RTL9: variants seen among roughly 807,000 people sequenced by gnomAD.
RTL9 encodes the protein retrotransposon Gag like 9.
RTL9 carries 19 observed loss-of-function variants against 44.7 expected under a neutral mutation model. The ratio of observed to expected loss-of-function variants is 0.42; its 90% CI spans 0.30 to 0.62. The LOEUF is 0.62. Ranked by LOEUF, RTL9 falls within the 20% of genes least tolerant of loss-of-function variation. The pLI, the probability that RTL9 is intolerant of heterozygous loss-of-function variation, is 0.16. For synonymous variants in RTL9, 407 were observed against 398.9 expected, an observed-to-expected ratio of 1.02 and a Z score of -0.24; for missense variants, 1,105 against 1,080.6, an observed-to-expected ratio of 1.02 and a Z score of -0.32.
At chrX:110,455,351 T>G (rs1569435742) in exon 2 of RTL9, 2 of 1,199,429 alleles carry the variant, frequency 1.7e-6, no homozygotes, top group Non-Finnish European at 2.2e-6. Context: ...CTGTGATATC[T>G]GACTCGACCG....
chrX:110,389,721 G>T (rs2068481889), intron 1 of RTL9, among the ~76,000 whole-genome samples: 1 of 109,941 alleles, frequency 9.1e-6, no homozygotes, highest in Non-Finnish European at 1.9e-5. Context: ...GAGGAAGGGA[G>T]AAAGTAGAAA....
At chrX:110,379,659 T>C (rs761028560) in intron 1 of RTL9, among the ~76,000 whole-genome samples, 1 of 112,094 alleles carries the variant, frequency 8.9e-6, no homozygotes, top group South Asian at 3.7e-4. Flanking sequence ...CACACACACA[T>C]GCACATGCAC....
upstream of RTL9, chrX:110,418,976 C>T (rs1180477992): frequency 1.8e-5 from 2 of 109,749 alleles, no homozygotes; most frequent in Non-Finnish European, 3.8e-5. Context: ...CTATGACTCA[C>T]CAACAAAAAC....
intron 1 of RTL9, among the ~76,000 whole-genome samples, chrX:110,431,119 T>A (rs1274653859): frequency 1.8e-5 from 2 of 112,130 alleles, no homozygotes; most frequent in African/African-American, 6.5e-5. Context: ...GGGGCTTTAT[T>A]TTCTATCTTT....
chrX:110,413,113 G>T (rs910430592), intron 1 of RTL9, among the ~76,000 whole-genome samples: 3 of 111,072 alleles, frequency 2.7e-5, no homozygotes, highest in Non-Finnish European at 3.8e-5. Flanking sequence ...ACTGCTCAGT[G>T]CTCCCATCCC....
exon 2 of RTL9, chrX:110,455,330 G>A (rs772482942): frequency 4.1e-6 from 5 of 1,207,983 alleles, no homozygotes; most frequent in Non-Finnish European, 4.5e-6. Context: ...AAAACTCCAT[G>A]GAATCTTCTC....
At chrX:110,432,352 T>C (rs2068803119) in intron 1 of RTL9, among the ~76,000 whole-genome samples, 1 of 112,312 alleles carries the variant, frequency 8.9e-6, no homozygotes, top group African/African-American at 3.2e-5. Flanking sequence ...TTTCTAGGCA[T>C]TTAGCTGTGG....
intron 1 of RTL9, among the ~76,000 whole-genome samples, chrX:110,394,714 C>T (rs1286117765): frequency 8.9e-6 from 1 of 112,761 alleles, no homozygotes; most frequent in Non-Finnish European, 1.9e-5. Context: ...AGCCCCTTGC[C>T]TGCTTTTGCA....
intron 1 of RTL9, among the ~76,000 whole-genome samples, chrX:110,409,451 GA>G (rs2148306723): frequency 9.0e-6 from 1 of 111,719 alleles, no homozygotes; most frequent in East Asian, 2.8e-4. Context: ...TACCTAAAAA[GA>G]GGGCTGTTTT....
chrX:110,407,423 G>A (rs1471799645), intron 1 of RTL9, among the ~76,000 whole-genome samples: 3 of 111,975 alleles, frequency 2.7e-5, no homozygotes, highest in African/African-American at 9.8e-5. Flanking sequence ...GGTAAGGTCA[G>A]CAGAAGCCAC....
exon 1 of RTL9, chrX:110,452,249 T>C: frequency 8.3e-7 from 1 of 1,211,169 alleles, no homozygotes; most frequent in Non-Finnish European, 1.1e-6. Flanking sequence ...TGAGAGCCCC[T>C]GTCTCTGAAG....
chrX:110,433,527 C>T (rs1436625650), intron 1 of RTL9, among the ~76,000 whole-genome samples: 2 of 111,472 alleles, frequency 1.8e-5, no homozygotes, highest in African/African-American at 6.5e-5. Flanking sequence ...CTAATAAACA[C>T]CAGGCACATT....
intron 1 of RTL9, among the ~76,000 whole-genome samples, chrX:110,424,615 T>A (rs2068741122): frequency 8.9e-6 from 1 of 112,355 alleles, no homozygotes; most frequent in African/African-American, 3.2e-5. Context: ...CCTGGAGTTG[T>A]TCATAAGACC....
chrX:110,408,684 G>A (rs1602979187), intron 1 of RTL9, among the ~76,000 whole-genome samples: 1 of 112,151 alleles, frequency 8.9e-6, no homozygotes, highest in Middle Eastern at 4.6e-3. Context: ...TTGTGATGTT[G>A]CTTTTGGAAT....
chrX:110,424,436 C>G (rs1206376740), intron 1 of RTL9, among the ~76,000 whole-genome samples: 1 of 111,623 alleles, frequency 9.0e-6, no homozygotes, highest in African/African-American at 3.3e-5. Flanking sequence ...AGTTCAAACC[C>G]AGGCCTGCAT....
intron 1 of RTL9, among the ~76,000 whole-genome samples, chrX:110,442,560 A>C (rs1302177914): frequency 9.0e-6 from 1 of 111,136 alleles, no homozygotes; most frequent in Non-Finnish European, 1.9e-5. Flanking sequence ...AGTTTTTTAA[A>C]AACTTGTATT....
At chrX:110,455,300 G>C (rs749008761) in exon 2 of RTL9, 11 of 1,210,274 alleles carry the variant, frequency 9.1e-6, no homozygotes, top group Non-Finnish European at 1.1e-5. Context: ...GCCATCATCA[G>C]AAGGCCCATA....
At chrX:110,403,478 A>G (rs1349403770) in intron 1 of RTL9, among the ~76,000 whole-genome samples, 1 of 111,228 alleles carries the variant, frequency 9.0e-6, no homozygotes, top group African/African-American at 3.3e-5. Flanking sequence ...GCATGCGCGC[A>G]CACACATGCA....
At chrX:110,432,320 C>A (rs1278666792) in intron 1 of RTL9, among the ~76,000 whole-genome samples, 2 of 112,458 alleles carry the variant, frequency 1.8e-5, no homozygotes, top group Non-Finnish European at 3.8e-5. Flanking sequence ...TCCCTTGTAC[C>A]ACTACACCCC....
Sources: gnomAD v4.1 joint callset for allele counts (sites outside exome capture counted in the v4.1 genomes callset) on GRCh38, gnomAD v4.1.1 for gene constraint, MANE v1.5 for transcripts, NCBI Gene and HGNC (gene_info 2026-07-23, HGNC 2026-07-21) for gene names.